The following SOX6 variants were observed in gnomAD, a reference collection of about 807,000 sequenced individuals.
SOX6 encodes transcription factor SOX-6.
A neutral mutation model predicts 97.8 loss-of-function variants in SOX6; 11 were observed. The observed-to-expected ratio is 0.11, with a 90% CI of 0.07 to 0.19. The LOEUF is 0.19. Among genes scored for constraint, SOX6 ranks in the 10% least tolerant of loss-of-function variants. The probability of loss-of-function intolerance (pLI) is 1.00; values close to 1 mark genes in which losing one functional copy is unlikely to be tolerated. For missense variants in SOX6, 810 were observed against 1,039.5 expected, an observed-to-expected ratio of 0.78 and a Z score of 3.04; for synonymous variants, 360 against 371.4, an observed-to-expected ratio of 0.97 and a Z score of 0.35.
intron 10 of SOX6, among the ~76,000 whole-genome samples, chr11:16,055,066 G>A (rs1296990202): frequency 6.6e-6 from 1 of 152,032 alleles, no homozygotes; most frequent in Non-Finnish European, 1.5e-5. Context: ...ATTAGGCAAT[G>A]ACAACTCATT....
intron 3 of SOX6, among the ~76,000 whole-genome samples, chr11:16,657,258 T>C (rs1424555409): frequency 1.3e-5 from 2 of 152,208 alleles, no homozygotes; most frequent in Non-Finnish European, 2.9e-5. Context: ...CATTTAAGTT[T>C]CCTCCATATA....
At chr11:16,299,402 G>C (rs1855188291) in intron 3 of SOX6, among the ~76,000 whole-genome samples, 1 of 152,058 alleles carries the variant, frequency 6.6e-6, no homozygotes, top group Non-Finnish European at 1.5e-5. Context: ...AGGCTAATTT[G>C]ACTCCTTATA....
At chr11:16,314,767 A>C (rs1456250819) in intron 3 of SOX6, 3 of 152,192 alleles carry the variant, frequency 2.0e-5, no homozygotes, top group Non-Finnish European at 4.4e-5. Context: ...ATCACAATTG[A>C]TATTTTATAT....
At chr11:16,165,897 CAAA>C (rs376656488) in intron 6 of SOX6, among the ~76,000 whole-genome samples, 2 of 118,456 alleles carry the variant, frequency 1.7e-5, no homozygotes, top group African/African-American at 3.1e-5. Context: ...GACTCTGTCT[CAAA>C]AAAAAAAAAA....
chr11:16,021,098 T>C (rs751353001), intron 12 of SOX6, among the ~76,000 whole-genome samples: 6 of 152,170 alleles, frequency 3.9e-5, no homozygotes, highest in Admixed American at 6.6e-5. Context: ...GTGAAAAAGA[T>C]ATTTTGAGTT....
At chr11:16,187,814 G>C (rs1851523568) in intron 4 of SOX6, among the ~76,000 whole-genome samples, 1 of 152,162 alleles carries the variant, frequency 6.6e-6, no homozygotes, top group Non-Finnish European at 1.5e-5. Context: ...GAATCCTTTT[G>C]TGAATCTAAA....
intron 3 of SOX6, among the ~76,000 whole-genome samples, chr11:16,238,711 A>C (rs991638871): frequency 6.6e-6 from 1 of 152,086 alleles, no homozygotes; most frequent in African/African-American, 2.4e-5. Context: ...TCTTTATTGC[A>C]CTTTACAACA....
chr11:16,170,341 A>G (rs1412844424), intron 6 of SOX6, among the ~76,000 whole-genome samples: 1 of 151,866 alleles, frequency 6.6e-6, no homozygotes, highest in Non-Finnish European at 1.5e-5. Context: ...TCTTTCTTAT[A>G]CAACTTCACA....
chr11:16,028,490 T>A (rs1423304717), intron 12 of SOX6, among the ~76,000 whole-genome samples: 1 of 152,232 alleles, frequency 6.6e-6, no homozygotes, highest in Non-Finnish European at 1.5e-5. Context: ...AAGCTTTTGT[T>A]AGGCTCTAAG....
chr11:16,018,436 G>T (rs894593031), intron 12 of SOX6, among the ~76,000 whole-genome samples: 1 of 151,664 alleles, frequency 6.6e-6, no homozygotes, highest in Non-Finnish European at 1.5e-5. Context: ...AAAGAACAGA[G>T]GTTTGTTTTC....
At chr11:16,412,138 T>G (rs1858832768) in intron 1 of SOX6, among the ~76,000 whole-genome samples, 1 of 152,200 alleles carries the variant, frequency 6.6e-6, no homozygotes, top group Non-Finnish European at 1.5e-5. Context: ...TTCAAAATAA[T>G]ATAAACTAAA....
chr11:16,725,183 A>G (rs1009172439), intron 2 of SOX6, among the ~76,000 whole-genome samples: 2 of 152,358 alleles, frequency 1.3e-5, no homozygotes, highest in Admixed American at 1.3e-4. Context: ...TCAGCCATAA[A>G]AAGGAATGAA....
chr11:16,142,951 C>A (rs1377496750), intron 6 of SOX6, among the ~76,000 whole-genome samples: 1 of 152,072 alleles, frequency 6.6e-6, no homozygotes, highest in Non-Finnish European at 1.5e-5. Context: ...AGGAGAATAT[C>A]CCCAACCTAG....
At chr11:16,024,229 T>C (rs1855151984) in intron 12 of SOX6, among the ~76,000 whole-genome samples, 2 of 152,212 alleles carry the variant, frequency 1.3e-5, no homozygotes, top group Middle Eastern at 3.4e-3. Flanking sequence ...ATGAACCTGC[T>C]AACACCTTGA....
intron 3 of SOX6, among the ~76,000 whole-genome samples, chr11:16,268,022 G>T (rs974446282): frequency 1.3e-5 from 2 of 151,340 alleles, no homozygotes; most frequent in Non-Finnish European, 3.0e-5. Flanking sequence ...GAGTAGAATG[G>T]TGGTTACCAG....
chr11:16,239,247 T>C (rs1358629469), intron 3 of SOX6, among the ~76,000 whole-genome samples: 1 of 152,162 alleles, frequency 6.6e-6, no homozygotes, highest in Non-Finnish European at 1.5e-5. Context: ...CCAGTTTTAT[T>C]TTGAAGTCAC....
intron 10 of SOX6, among the ~76,000 whole-genome samples, chr11:16,055,218 T>C (rs1847784039): frequency 6.6e-6 from 1 of 152,104 alleles, no homozygotes; most frequent in African/African-American, 2.4e-5. Flanking sequence ...CAGTCCTCTT[T>C]ATTTTATTTT....
intron 4 of SOX6, among the ~76,000 whole-genome samples, chr11:16,500,904 A>G (rs919131406): frequency 3.8e-4 from 58 of 152,146 alleles, no homozygotes; most frequent in Non-Finnish European, 7.4e-4. Flanking sequence ...TTATAGATTC[A>G]ATGCTATCCC....
chr11:16,187,489 A>T (rs548092420), intron 4 of SOX6, among the ~76,000 whole-genome samples: 2 of 152,266 alleles, frequency 1.3e-5, no homozygotes, highest in African/African-American at 4.8e-5. Context: ...GGCCATAGAG[A>T]GAATACTACA....
Sources: allele counts gnomAD v4.1 joint callset (sites outside exome capture counted in the v4.1 genomes callset), GRCh38; gene constraint gnomAD v4.1.1; transcripts MANE v1.5; gene names NCBI Gene and HGNC (gene_info 2026-07-23, HGNC 2026-07-21).